Variants in NRDE2 observed in about 807,000 individuals in gnomAD.
The protein encoded by NRDE2 is NRDE-2, necessary for RNA interference, domain containing.
A neutral mutation model predicts 124.2 loss-of-function variants in NRDE2; 76 were observed. That is an observed-to-expected ratio of 0.61 (90% CI 0.51 to 0.74). The LOEUF is 0.74. Ranked by LOEUF, NRDE2 falls within the 30% of genes least tolerant of loss-of-function variation. The pLI is 0.00. For missense variants in NRDE2, 1,314 were observed against 1,417.3 expected (o/e 0.93, Z 1.17); for synonymous variants, 489 against 528.1 (o/e 0.93, Z 1.01).
At chr14:90,283,336 T>G (rs1327543153) in intron 12 of NRDE2, among the ~76,000 whole-genome samples, 1 of 152,182 alleles carries the variant, frequency 6.6e-6, no homozygotes, top group Non-Finnish European at 1.5e-5. Flanking sequence ...CGAACCAAAC[T>G]AGGCTCATGG....
At chr14:90,289,715 G>A (rs1290234865) in intron 10 of NRDE2, among the ~76,000 whole-genome samples, 2 of 152,192 alleles carry the variant, frequency 1.3e-5, no homozygotes, top group Non-Finnish European at 2.9e-5. Flanking sequence ...AGCCTCCTGG[G>A]CAGCTGGGAT....
chr14:90,328,623 CCTGAAATG>C (rs1305555331), intron 1 of NRDE2, among the ~76,000 whole-genome samples: 1 of 152,168 alleles, frequency 6.6e-6, no homozygotes, highest in Non-Finnish European at 1.5e-5. Context: ...AGGGCATCCT[CCTGAAATG>C]ATTCCATAGC....
chr14:90,287,467 A>AT (rs1302173790), intron 11 of NRDE2, among the ~76,000 whole-genome samples: 1 of 151,898 alleles, frequency 6.6e-6, no homozygotes, highest in African/African-American at 2.4e-5. Flanking sequence ...AAAATAAAAA[A>AT]TAAAAAAATT....
intron 4 of NRDE2, among the ~76,000 whole-genome samples, chr14:90,310,644 C>A (rs1884800782): frequency 6.6e-6 from 1 of 152,054 alleles, no homozygotes; most frequent in Admixed American, 6.6e-5. Context: ...CCTCACTCCC[C>A]TAGCAGCTGG....
rs537935355 is a variant in NRDE2 at position 90,295,717 on chromosome 14, G to A, written c.1666+2543C>T. Reference sequence around the variant, plus strand: ...TACCCTCTCAACGCTAACCTTTCAGGGTAAATAAGAGAAGTTAAAAATAAA... The same window carrying A: ...TACCCTCTCAACGCTAACCTTTCAGAGTAAATAAGAGAAGTTAAAAATAAA... On this transcript the variant is annotated intron_variant, in intron 8 of 13. Coordinates refer to ENST00000354366, the MANE Select transcript of NRDE2 (RefSeq NM_017970.4). 8.9e-4 allele frequency among the ~76,000 whole-genome samples: 135 copies of A among 152,064 alleles called. 1 individual carries two copies. Among genetic ancestry groups the A allele is most frequent in the African/African-American group, 3.1e-3 (128 of 41,456 alleles).
chr14:90,268,330 C>T lies in NRDE2; in HGVS notation c.*10006G>A, dbSNP rs748202027. The T allele has an allele frequency of 1.8e-5, 29 of 1,613,308 alleles. No homozygotes were observed. The highest frequency in any genetic ancestry group is 4.0e-5 in the African/African-American group (3 of 74,886). The stretch of plus-strand genomic sequence containing the variant: ...AGTACCTAGGTGATGGGCCCAAACT[C>T]GTACGGGAATTGTTCCGAGTTGCTG... On this transcript the variant is annotated 3_prime_UTR_variant, in exon 14 of 14. Coordinates refer to ENST00000354366, the MANE Select transcript of NRDE2 (RefSeq NM_017970.4).
chr14:90,290,637 T>C (rs1197995190), intron 9 of NRDE2, 30 bp from the exon 10 acceptor site: 3 of 1,571,052 alleles, frequency 1.9e-6, no homozygotes, highest in African/African-American at 1.4e-5. Context: ...AAGCGACCCA[T>C]GTAACAAAAC....
At chr14:90,303,504 G>C (rs947983480) in intron 5 of NRDE2, among the ~76,000 whole-genome samples, 1 of 152,226 alleles carries the variant, frequency 6.6e-6, no homozygotes, top group African/African-American at 2.4e-5. Flanking sequence ...TTTCGAAAGA[G>C]AATGCATGGC....
rs754796321 is a variant in NRDE2, at chr14:90,290,216, A to G, written c.2229+5T>C. The stretch of plus-strand genomic sequence containing the variant: ...CCAAACATGGGAGGACGAGTCTGGA[A>G]TTACCTTTGCAATCTCATACTGTAA... On this transcript the variant is annotated splice_donor_5th_base_variant and intron_variant, in intron 10 of 13. Transcript: ENST00000354366. The G allele has an allele frequency of 6.2e-7, 1 of 1,610,794 alleles. No individual in the cohort carries two copies. Among genetic ancestry groups the G allele is most frequent in the Non-Finnish European group, 8.5e-7 (1 of 1,177,470 alleles).
chr14:90,290,273 C>T lies in NRDE2; in HGVS notation c.2177G>A (p.Gly726Asp), dbSNP rs747482883. The change falls in exon 10 of 14, where the codon GGC becomes GAC. Residue 726 changes from glycine to aspartate, a missense_variant. By Grantham distance (94) the Gly-to-Asp change is moderately conservative. Transcript: ENST00000354366. The part of the protein sequence containing the change: ...VFHLVMPLFS[G>D]KEKSQLCFSW... ...GAAGCAGAGCTGGGACTTCTCTTTG[C>T]CTGAAAATAAAGGCATGACAAGGTG... The T allele has an allele frequency of 1.5e-5, 25 of 1,613,900 alleles. No homozygotes were observed. The highest frequency in any genetic ancestry group is 1.4e-4 in the South Asian group (13 of 91,088).
intron 1 of NRDE2, among the ~76,000 whole-genome samples, chr14:90,319,427 A>G (rs1382780986): frequency 5.9e-5 from 9 of 152,148 alleles, no homozygotes; most frequent in Admixed American, 5.9e-4. Context: ...TAACTTTAGA[A>G]CATTTTCATC....
At position 90,269,723 on chromosome 14, in the gene NRDE2, TG is replaced by T; in HGVS notation, c.*8612del. 1.6e-6 allele frequency: 1 copy of T among 620,234 alleles called. No individual in the cohort carries two copies. The highest frequency in any genetic ancestry group is 2.7e-6 in the Non-Finnish European group (1 of 372,210). 38.4% of individuals were successfully genotyped at this position (620,234 alleles called of 1,614,324 possible). ...ATGAGGGTTAAAACAGAGCATGATATGGTCTGTGCACCTTGGCCCTTTGAAT... is the reference window on the plus strand; with the variant it reads ...ATGAGGGTTAAAACAGAGCATGATATGTCTGTGCACCTTGGCCCTTTGAAT... On this transcript the variant is annotated 3_prime_UTR_variant, in exon 14 of 14. Transcript: ENST00000354366.
intron 3 of NRDE2, among the ~76,000 whole-genome samples, chr14:90,314,897 C>T (rs571182615): frequency 3.2e-4 from 49 of 151,690 alleles, no homozygotes; most frequent in Middle Eastern, 3.4e-3. Context: ...GGGCTGGGTG[C>T]GGTGGCTCAT....
At position 90,304,306 on chromosome 14, in the gene NRDE2, C is replaced by G. The variant is rs764861178; in HGVS notation, c.634G>C (p.Glu212Gln). ...ACCTGCTTGCGTGAATGCTTCTTCT[C>G]TGTGGAAGTCCCTTCCCAAGATATG... is the stretch of plus-strand genomic sequence containing the variant. ...QCISWEGTST[E>Q]KKHSRKQVER... The change falls in exon 5 of 14, where the codon GAG (glutamate) becomes CAG (glutamine). Residue 212 changes from glutamate to glutamine, a missense_variant. By Grantham distance (29) the Glu-to-Gln change is conservative. Coordinates refer to ENST00000354366, the MANE Select transcript of NRDE2 (RefSeq NM_017970.4). 7.4e-6 allele frequency: 12 copies of G among 1,614,204 alleles called. No individual in the cohort carries two copies. The East Asian group carries it at 2.5e-4, about 33-fold the overall frequency.
intron 1 of NRDE2, among the ~76,000 whole-genome samples, chr14:90,330,275 G>A (rs556053380): frequency 6.8e-6 from 1 of 146,678 alleles, no homozygotes; most frequent in East Asian, 2.0e-4. Context: ...TATGGTATCT[G>A]TAATATCCCA....
intron 4 of NRDE2, among the ~76,000 whole-genome samples, chr14:90,306,544 C>T (rs550222099): frequency 2.0e-4 from 31 of 152,312 alleles, no homozygotes; most frequent in African/African-American, 6.3e-4. Flanking sequence ...GGTGTGGTGG[C>T]TTATGCCTGT....
intron 3 of NRDE2, among the ~76,000 whole-genome samples, chr14:90,315,176 C>CAAAAAAA (rs71117336): frequency 3.1e-5 from 1 of 31,770 alleles, no homozygotes; most frequent in African/African-American, 1.5e-4. Context: ...TACTCTGTCT[C>CAAAAAAA]AAAAAAAAAA....
chr14:90,307,772 T>C (rs1884669676), intron 4 of NRDE2, among the ~76,000 whole-genome samples: 1 of 152,196 alleles, frequency 6.6e-6, no homozygotes, highest in African/African-American at 2.4e-5. Flanking sequence ...TTTGTAGGGT[T>C]TCCCTCTGTT....
intron 6 of NRDE2, chr14:90,301,637 C>T: frequency 2.2e-6 from 1 of 446,306 alleles, no homozygotes; most frequent in Non-Finnish European, 4.2e-6. Flanking sequence ...AAAAATAAGT[C>T]AAGAGGTTGG....
Sources: allele counts gnomAD v4.1 joint callset (sites outside exome capture counted in the v4.1 genomes callset), GRCh38; gene constraint gnomAD v4.1.1; transcripts MANE v1.5; gene names NCBI Gene and HGNC (gene_info 2026-07-23, HGNC 2026-07-21).